Variants in PAPPA2 observed in about 807,000 individuals in gnomAD.
PAPPA2 encodes pappalysin 2.
Under a neutral mutation model 176.4 loss-of-function variants are expected in PAPPA2, and 86 were observed. The observed-to-expected ratio is 0.49, with a 90% CI of 0.41 to 0.58. The LOEUF (loss-of-function observed/expected upper bound fraction) is 0.58. Ranked by LOEUF, PAPPA2 falls within the 20% of genes least tolerant of loss-of-function variation. The probability of loss-of-function intolerance (pLI) is 0.00; values close to 1 mark genes in which losing one functional copy is unlikely to be tolerated. For missense variants in PAPPA2, 2,073 were observed against 2,256.9 expected (o/e 0.92, Z 1.65); for synonymous variants, 809 against 852.2 (o/e 0.95, Z 0.88).
intron 19 of PAPPA2, among the ~76,000 whole-genome samples, chr1:176,792,755 A>C (rs1665239553): frequency 6.6e-6 from 1 of 152,168 alleles, no homozygotes; most frequent in South Asian, 2.1e-4. Context: ...AGTCACTGAA[A>C]AACATAGAAA....
chr1:176,682,473 C>A (rs1424530133), intron 4 of PAPPA2, among the ~76,000 whole-genome samples: 1 of 151,944 alleles, frequency 6.6e-6, no homozygotes, highest in Non-Finnish European at 1.5e-5. Flanking sequence ...TGTTATGGAT[C>A]TTAATATTTA....
At chr1:176,737,791 A>G (rs1364972448) in intron 12 of PAPPA2, among the ~76,000 whole-genome samples, 1 of 152,222 alleles carries the variant, frequency 6.6e-6, no homozygotes, top group East Asian at 1.9e-4. Flanking sequence ...TTGGAGGTTT[A>G]GGCAGCGACG....
chr1:176,769,814 C>A, intron 16 of PAPPA2, 30 bp downstream of exon 16: 2 of 1,557,442 alleles, frequency 1.3e-6, no homozygotes, highest in Non-Finnish European at 1.7e-6. Flanking sequence ...GAACTGTATG[C>A]AAGTTCTCTG....
chr1:176,701,260 T>C (rs978504709), intron 8 of PAPPA2, among the ~76,000 whole-genome samples: 1 of 152,190 alleles, frequency 6.6e-6, no homozygotes, highest in Admixed American at 6.5e-5. Context: ...CTGGAGGGCT[T>C]GGGCTACCTG....
chr1:176,659,855 T>A (rs1658258876), intron 3 of PAPPA2, among the ~76,000 whole-genome samples: 1 of 152,140 alleles, frequency 6.6e-6, no homozygotes, highest in African/African-American at 2.4e-5. Flanking sequence ...TCTTAACAAC[T>A]ATAATTTGAT....
chr1:176,485,935 G>A (rs776174396), intron 1 of PAPPA2, among the ~76,000 whole-genome samples: 5 of 152,216 alleles, frequency 3.3e-5, no homozygotes, highest in Non-Finnish European at 5.9e-5. Context: ...TTGTGGAGGA[G>A]TGACTACACA....
intron 5 of PAPPA2, chr1:176,691,058 T>C: frequency 4.1e-6 from 4 of 985,418 alleles, no homozygotes; most frequent in Non-Finnish European, 4.8e-6. Flanking sequence ...AAACTTGTCA[T>C]CTGGTCTTTC....
chr1:176,641,239 G>C (rs1293309356), intron 3 of PAPPA2, among the ~76,000 whole-genome samples: 1 of 152,000 alleles, frequency 6.6e-6, no homozygotes, highest in Non-Finnish European at 1.5e-5. Flanking sequence ...CATTGCTTTT[G>C]GTGTTTTAGA....
chr1:176,541,976 T>C (rs1650388263), intron 1 of PAPPA2, among the ~76,000 whole-genome samples: 1 of 152,208 alleles, frequency 6.6e-6, no homozygotes, highest in Non-Finnish European at 1.5e-5. Context: ...TAAAGAAAAA[T>C]ACCTATCACG....
intron 1 of PAPPA2, among the ~76,000 whole-genome samples, chr1:176,489,459 A>G (rs141169715): frequency 6.6e-6 from 1 of 152,344 alleles, no homozygotes; most frequent in Non-Finnish European, 1.5e-5. Flanking sequence ...CTTTGGAGAT[A>G]TTACCATATT....
rs994245238 is a variant in PAPPA2, at chr1:176,695,637, C to G, written c.2625-101C>G. 8.8e-6 allele frequency: 12 copies of G among 1,370,008 alleles called. No homozygotes were observed. The South Asian group carries it at 1.2e-4, about 14-fold the overall frequency. 84.9% of individuals were successfully genotyped at this position (1,370,008 alleles called of 1,614,324 possible). On this transcript the variant is annotated intron_variant, in intron 6 of 22. Coordinates refer to ENST00000367662, the MANE Select transcript of PAPPA2 (RefSeq NM_020318.3). ...TACTCTCTAGGTCCTTACTAACCAT[C>G]AACCCCTGCCCTCCCCACACAAAGG...
chr1:176,512,661 C>T (rs771921266), intron 1 of PAPPA2, among the ~76,000 whole-genome samples: 3 of 152,100 alleles, frequency 2.0e-5, no homozygotes, highest in Non-Finnish European at 4.4e-5. Context: ...AAATAGTCTA[C>T]ATTTTTATTA....
chr1:176,745,356 A>G (rs954543562), intron 14 of PAPPA2, among the ~76,000 whole-genome samples: 1 of 152,152 alleles, frequency 6.6e-6, no homozygotes, highest in Admixed American at 6.5e-5. Context: ...CTTCATCACA[A>G]TAAACCAAAC....
chr1:176,510,509 A>G (rs1303618203), intron 1 of PAPPA2, among the ~76,000 whole-genome samples: 133 of 152,132 alleles, frequency 8.7e-4, no homozygotes, highest in Non-Finnish European at 2.9e-5. Context: ...TGAGATCTGA[A>G]CTACAAGAAA....
chr1:176,798,368 TAGTG>T (rs1665534672), intron 20 of PAPPA2, among the ~76,000 whole-genome samples: 1 of 152,156 alleles, frequency 6.6e-6, no homozygotes, highest in Non-Finnish European at 1.5e-5. Context: ...ATCTGACCCA[TAGTG>T]AGTGAGTGAG....
chr1:176,572,857 T>C (rs1348727225), intron 2 of PAPPA2, among the ~76,000 whole-genome samples: 1 of 152,230 alleles, frequency 6.6e-6, no homozygotes, highest in Non-Finnish European at 1.5e-5. Flanking sequence ...GTGTCTCCTA[T>C]AATGTCCCTG....
intron 1 of PAPPA2, among the ~76,000 whole-genome samples, chr1:176,515,047 G>T (rs1417072007): frequency 6.6e-6 from 1 of 152,138 alleles, no homozygotes; most frequent in Non-Finnish European, 1.5e-5. Context: ...GTATATTAAT[G>T]GGCAAGATAT....
chr1:176,475,789 G>A (rs983501697), intron 1 of PAPPA2, among the ~76,000 whole-genome samples: 1 of 152,150 alleles, frequency 6.6e-6, no homozygotes, highest in Admixed American at 6.5e-5. Flanking sequence ...AGTGGTTTAG[G>A]GAGGAGGGAA....
chr1:176,540,447 T>G (rs958755481), intron 1 of PAPPA2, among the ~76,000 whole-genome samples: 1 of 152,354 alleles, frequency 6.6e-6, no homozygotes, highest in South Asian at 2.1e-4. Flanking sequence ...TCATTTGAAA[T>G]TCTGAGATAG....
Sources: allele counts gnomAD v4.1 joint callset (sites outside exome capture counted in the v4.1 genomes callset), GRCh38; gene constraint gnomAD v4.1.1; transcripts MANE v1.5; gene names NCBI Gene and HGNC (gene_info 2026-07-23, HGNC 2026-07-21).